Variants in SCAI observed in about 807,000 individuals in gnomAD.
SCAI encodes suppressor of cancer cell invasion.
SCAI carries 24 observed loss-of-function variants against 92.2 expected under a neutral mutation model. The ratio of observed to expected loss-of-function variants is 0.26; its 90% CI spans 0.19 to 0.37. SCAI has a LOEUF of 0.37. Among genes scored for constraint, SCAI ranks in the 10% least tolerant of loss-of-function variants. The probability of loss-of-function intolerance (pLI) is 1.00; values close to 1 mark genes in which losing one functional copy is unlikely to be tolerated. For missense variants in SCAI, 450 were observed against 736.2 expected (o/e 0.61, Z 4.50); for synonymous variants, 261 against 258.6 (o/e 1.01, Z -0.09).
chr9:125,117,082 G>A (rs10986569), intron 2 of SCAI, among the ~76,000 whole-genome samples: 4,765 of 151,846 alleles, frequency 0.031, 128 homozygotes, highest in Non-Finnish European at 0.05. Context: ...ACCTGAAGAG[G>A]TTTTTTTTCA....
At chr9:125,054,009 C>A (rs961533094) in intron 3 of SCAI, among the ~76,000 whole-genome samples, 1 of 152,092 alleles carries the variant, frequency 6.6e-6, no homozygotes, top group African/African-American at 2.4e-5. Flanking sequence ...GGGTCTTGCT[C>A]TGTCACCCAG....
chr9:125,019,051 A>C, intron 8 of SCAI, 56 bp downstream of exon 8: 1 of 1,524,590 alleles, frequency 6.6e-7, no homozygotes, highest in Non-Finnish European at 9.0e-7. Context: ...ATAAAAACAT[A>C]AACTACACGG....
chr9:124,977,233 T>G (rs1831778906), intron 14 of SCAI, among the ~76,000 whole-genome samples: 1 of 152,162 alleles, frequency 6.6e-6, no homozygotes, highest in Non-Finnish European at 1.5e-5. Flanking sequence ...TTATTAAAAT[T>G]TAAACCAACC....
At chr9:125,060,136 G>A (rs943815074) in intron 2 of SCAI, among the ~76,000 whole-genome samples, 7 of 152,006 alleles carry the variant, frequency 4.6e-5, no homozygotes, top group African/African-American at 1.7e-4. Context: ...GACACACACT[G>A]TCCAAAAGTG....
At chr9:125,115,260 T>C (rs955141226) in intron 2 of SCAI, among the ~76,000 whole-genome samples, 3 of 150,370 alleles carry the variant, frequency 2.0e-5, no homozygotes, top group Non-Finnish European at 4.4e-5. Context: ...TAGTCCCAGC[T>C]ACTCGGGAGG....
At chr9:125,053,704 T>A (rs1386785865) in intron 3 of SCAI, among the ~76,000 whole-genome samples, 1 of 152,194 alleles carries the variant, frequency 6.6e-6, no homozygotes, top group African/African-American at 2.4e-5. Context: ...GGATTTCTTT[T>A]GGGGGTGATT....
At chr9:125,016,861 T>C (rs975716894) in intron 9 of SCAI, among the ~76,000 whole-genome samples, 9 of 152,122 alleles carry the variant, frequency 5.9e-5, no homozygotes, top group Admixed American at 1.3e-4. Flanking sequence ...AATTATAAAT[T>C]AGACTACATT....
chr9:124,973,677 A>G (rs1831702124), intron 15 of SCAI, among the ~76,000 whole-genome samples: 1 of 151,638 alleles, frequency 6.6e-6, no homozygotes, highest in Non-Finnish European at 1.5e-5. Context: ...ATACAAAAAA[A>G]TTAGCTGGGA....
chr9:124,960,093 T>G (rs1337879190), intron 17 of SCAI, among the ~76,000 whole-genome samples: 1 of 152,162 alleles, frequency 6.6e-6, no homozygotes, highest in Non-Finnish European at 1.5e-5. Flanking sequence ...TAGTTCTAGA[T>G]CCCTGAGGAA....
intron 2 of SCAI, 66 bp from the exon 3 acceptor site, chr9:125,056,073 T>C (rs1833659026): frequency 2.6e-6 from 3 of 1,146,600 alleles, no homozygotes; most frequent in African/African-American, 1.5e-5. Flanking sequence ...ACCTTAGTTA[T>C]ATCATCTGAT....
chr9:125,032,276 C>T (rs2131092989), intron 3 of SCAI, among the ~76,000 whole-genome samples: 1 of 147,302 alleles, frequency 6.8e-6, no homozygotes, highest in African/African-American at 2.5e-5. Flanking sequence ...ACTGCAACCT[C>T]CACCTCCCGG....
rs760324613 is a variant in SCAI, at chr9:124,952,879, C to T, written c.1749G>A (p.Lys583=). The T allele has an allele frequency of 3.7e-6, 6 of 1,612,624 alleles. No homozygotes were observed. Among genetic ancestry groups the T allele is most frequent in the Admixed American group, 1.7e-5 (1 of 60,004 alleles). Residue 583 remains lysine (K), a synonymous_variant, in exon 18 of 18, where the codon AAG becomes AAA. Transcript: ENST00000336505. ...DETVENPHLQ[K]HILELASILD... The stretch of plus-strand genomic sequence containing the variant: ...GAATGGATGCTAATTCCAAAATGTG[C>T]TTCTGGAGATGAGGATTCTCCACTG...
intron 2 of SCAI, among the ~76,000 whole-genome samples, chr9:125,118,048 G>A (rs1835083972): frequency 6.6e-6 from 1 of 151,904 alleles, no homozygotes; most frequent in African/African-American, 2.4e-5. Flanking sequence ...ATCCTCTCTT[G>A]GACTCCTCCT....
chr9:125,108,276 T>A (rs867368795), intron 2 of SCAI, among the ~76,000 whole-genome samples: 4 of 151,758 alleles, frequency 2.6e-5, no homozygotes, highest in Non-Finnish European at 4.4e-5. Flanking sequence ...GTGAGGAGCG[T>A]CTCTGCCTGG....
At chr9:125,074,260 A>C (rs1184325275) in intron 2 of SCAI, among the ~76,000 whole-genome samples, 1 of 81,914 alleles carries the variant, frequency 1.2e-5, no homozygotes, top group African/African-American at 3.7e-5. Context: ...CTCCATATCA[A>C]AAAAAAAAAA....
chr9:125,019,220 A>G lies in SCAI; in HGVS notation c.610-15T>C, dbSNP rs1233416249. On this transcript the variant is annotated splice_polypyrimidine_tract_variant and intron_variant, in intron 7 of 17. Coordinates refer to ENST00000336505, the MANE Select transcript of SCAI (RefSeq NM_001144877.3). ...TCTGACAATTCCTGATTTTAAAAAC[A>G]TCACAAAAAAGGTTATTAAAAAACC... is the stretch of plus-strand genomic sequence containing the variant. 1 of 1,431,506 alleles carries G rather than the reference A, an allele frequency of 7.0e-7. No individual in the cohort carries two copies. Among genetic ancestry groups the G allele is most frequent in the Non-Finnish European group, 9.7e-7 (1 of 1,034,094 alleles). The allele number at this position is 1,431,506 out of a possible 1,614,324, so 88.7% of individuals were successfully genotyped here.
chr9:125,117,502 C>T (rs1835068870), intron 2 of SCAI, among the ~76,000 whole-genome samples: 2 of 151,932 alleles, frequency 1.3e-5, no homozygotes, highest in Admixed American at 1.3e-4. Flanking sequence ...CCTATCTCTA[C>T]TAAAACTACA....
At chr9:124,995,812 CTAAACATTTGCATCAAGGGCTTGTT>C in intron 13 of SCAI, among the ~76,000 whole-genome samples, 1 of 152,186 alleles carries the variant, frequency 6.6e-6, no homozygotes, top group East Asian at 1.9e-4. Context: ...TATGTTTCCT[CTAAACATTTGCATCAAGGGCTTGTT>C]AAACATGCAG....
chr9:125,014,487 C>A (rs958560873), intron 9 of SCAI, among the ~76,000 whole-genome samples: 1 of 152,090 alleles, frequency 6.6e-6, no homozygotes, highest in Admixed American at 6.5e-5. Context: ...ATGTGAAGGA[C>A]CTCTTCAAGG....
Sources: gnomAD v4.1 joint callset for allele counts (sites outside exome capture counted in the v4.1 genomes callset) on GRCh38, gnomAD v4.1.1 for gene constraint, MANE v1.5 for transcripts, NCBI Gene and HGNC (gene_info 2026-07-23, HGNC 2026-07-21) for gene names.